TSNARE1: variants seen among roughly 807,000 people sequenced by gnomAD.
The protein encoded by TSNARE1 is t-SNARE domain-containing protein 1.
Under a neutral mutation model 62.0 loss-of-function variants are expected in TSNARE1, and 49 were observed. The observed-to-expected ratio is 0.79, with a 90% CI of 0.63 to 1.00. The LOEUF is 1.00. Among genes scored for constraint, TSNARE1 ranks in the 50% least tolerant of loss-of-function variants. The probability of loss-of-function intolerance (pLI) is 0.00; values close to 1 mark genes in which losing one functional copy is unlikely to be tolerated. For synonymous variants in TSNARE1, 328 were observed against 294.4 expected, an observed-to-expected ratio of 1.11 and a Z score of -1.17; for missense variants, 755 against 700.1, an observed-to-expected ratio of 1.08 and a Z score of -0.88.
chr8:142,237,752 C>T (rs372223907), intron 12 of TSNARE1, among the ~76,000 whole-genome samples: 2 of 152,154 alleles, frequency 1.3e-5, no homozygotes, highest in East Asian at 1.9e-4. Flanking sequence ...CAGCAGGCCC[C>T]GGGTGGATGC....
rs1265119551 is a variant in TSNARE1 at position 142,275,530 on chromosome 8, C to T, written c.1364-667G>A. The T allele has an allele frequency of 1.1e-5, 11 of 985,300 alleles. No homozygotes were observed. In the South Asian group the frequency reaches 2.3e-4, roughly 21 times the overall value. 61.0% of individuals were successfully genotyped at this position (985,300 alleles called of 1,614,324 possible). A position where few individuals can be genotyped will look rare whatever the true frequency, so the allele number is the denominator to read the frequency against. On this transcript the variant is annotated intron_variant, in intron 11 of 13. Transcript: ENST00000524325. ...CCAGGGATCCGGAAGATTCCATGCT[C>T]AGCATTGTCTTCCACCCAAAGGAAG...
chr8:142,315,905 G>A (rs1001048664), intron 7 of TSNARE1, among the ~76,000 whole-genome samples: 6 of 152,206 alleles, frequency 3.9e-5, no homozygotes, highest in African/African-American at 7.2e-5. Flanking sequence ...TCATCAAAGC[G>A]TCCACGGCCC....
intron 4 of TSNARE1, among the ~76,000 whole-genome samples, chr8:142,343,589 A>C (rs530055367): frequency 6.6e-6 from 1 of 151,834 alleles, no homozygotes; most frequent in Admixed American, 6.6e-5. Flanking sequence ...GGGACAGGCC[A>C]AGTCAAACGC....
chr8:142,277,533 G>C (rs1161517847), intron 11 of TSNARE1: 1 of 985,336 alleles, frequency 1.0e-6, no homozygotes, highest in Non-Finnish European at 1.2e-6. Context: ...CCTGCAGCTG[G>C]GATGCCCCCA....
chr8:142,288,875 G>C (rs1175799558), intron 10 of TSNARE1, among the ~76,000 whole-genome samples: 1 of 152,252 alleles, frequency 6.6e-6, no homozygotes, highest in Non-Finnish European at 1.5e-5. Context: ...TGTGCCTCCT[G>C]TGAGAGGGGA....
At chr8:142,405,641 T>G (rs1838573754), upstream of TSNARE1, 1 of 152,208 alleles carries the variant, frequency 6.6e-6, no homozygotes, top group Non-Finnish European at 1.5e-5. Context: ...GGGTTTAAGC[T>G]GAATTTCCAG....
intron 4 of TSNARE1, among the ~76,000 whole-genome samples, chr8:142,338,019 G>C (rs1586887555): frequency 1.3e-5 from 2 of 152,160 alleles, no homozygotes; most frequent in East Asian, 1.9e-4. Context: ...GGAGAAGGAA[G>C]AAAAATTCAT....
At chr8:142,216,783 C>T (rs531256404) in intron 13 of TSNARE1, among the ~76,000 whole-genome samples, 2 of 152,358 alleles carry the variant, frequency 1.3e-5, no homozygotes, top group South Asian at 4.1e-4. Context: ...ATACTTGGCA[C>T]CGACCCTGCC....
rs577947881 is a variant in TSNARE1 at position 142,331,465 on chromosome 8, G to A, written c.823+289C>T. On this transcript the variant is annotated intron_variant, in intron 5 of 13. Transcript: ENST00000524325. ...GGGGTCAGGGAGAGGAGCCAGCAGC[G>A]GGCAGGGGGCAGCAGGCAGGAGCAG... Among the ~76,000 whole-genome samples, 195 of 152,340 alleles carry A rather than the reference G, an allele frequency of 1.3e-3. 1 individual carries two copies. The highest frequency in any genetic ancestry group is 4.6e-3 in the African/African-American group (190 of 41,582).
intron 9 of TSNARE1, among the ~76,000 whole-genome samples, chr8:142,313,568 C>T (rs62636463): frequency 0.23 from 34,618 of 151,168 alleles, 4,509 homozygotes; most frequent in African/African-American, 0.35. Context: ...CATGTGTCTG[C>T]GCATCTGTGT....
intron 12 of TSNARE1, chr8:142,272,733 C>G: frequency 1.0e-6 from 1 of 971,176 alleles, no homozygotes; most frequent in Middle Eastern, 5.3e-4. Context: ...GTGGGGAGGG[C>G]CCCTTGCAGG....
At chr8:142,387,874 G>A (rs1488384498) in intron 1 of TSNARE1, among the ~76,000 whole-genome samples, 1 of 152,082 alleles carries the variant, frequency 6.6e-6, no homozygotes, top group Non-Finnish European at 1.5e-5. Context: ...CCAGAGAATG[G>A]CATAAGAAAT....
chr8:142,329,304 C>T (rs917910403), intron 6 of TSNARE1, among the ~76,000 whole-genome samples: 2 of 152,170 alleles, frequency 1.3e-5, no homozygotes, highest in Non-Finnish European at 2.9e-5. Context: ...CCGGGATACT[C>T]GGTCCTCAGA....
Position 142,329,318 on chromosome 8 carries a change from G to C in TSNARE1, c.893+1583C>G, listed in dbSNP as rs73370347. 9.4e-3 allele frequency among the ~76,000 whole-genome samples: 1,425 copies of C among 152,286 alleles called. 25 individuals are homozygous for C. Among genetic ancestry groups the C allele is most frequent in the African/African-American group, 0.032 (1,317 of 41,546 alleles). On this transcript the variant is annotated intron_variant, in intron 6 of 13. Transcript: ENST00000524325. ...GCCGGGATACTCGGTCCTCAGACCA[G>C]GACAGTCTCCTACTCCACGCTGGGG...
chr8:142,241,448 A>G (rs1359693304), intron 12 of TSNARE1, among the ~76,000 whole-genome samples: 3 of 152,248 alleles, frequency 2.0e-5, no homozygotes, highest in East Asian at 3.8e-4. Flanking sequence ...AAGGCAATAT[A>G]CAGATCGAAC....
At chr8:142,317,343 C>T (rs1243470995) in intron 7 of TSNARE1, among the ~76,000 whole-genome samples, 1 of 139,394 alleles carries the variant, frequency 7.2e-6, no homozygotes, top group Non-Finnish European at 1.6e-5. Context: ...GTATGGCCAG[C>T]GGCTCACACT....
intron 9 of TSNARE1, among the ~76,000 whole-genome samples, chr8:142,302,284 A>G (rs1586672226): frequency 2.6e-5 from 4 of 152,092 alleles, no homozygotes; most frequent in African/African-American, 7.2e-5. Context: ...AAATCCTCAG[A>G]CCACCCTGCC....
At chr8:142,258,628 T>C (rs1203815904) in intron 12 of TSNARE1, among the ~76,000 whole-genome samples, 2 of 152,098 alleles carry the variant, frequency 1.3e-5, no homozygotes, top group Non-Finnish European at 2.9e-5. Flanking sequence ...ATCACGGGCA[T>C]GTACCACCAC....
At chr8:142,311,771 A>AT (rs1827663868) in intron 9 of TSNARE1, among the ~76,000 whole-genome samples, 1 of 151,518 alleles carries the variant, frequency 6.6e-6, no homozygotes, top group East Asian at 1.9e-4. Context: ...ATTTTCTATC[A>AT]TTTTTTCTTT....
Sources: gnomAD v4.1 joint callset for allele counts (sites outside exome capture counted in the v4.1 genomes callset) on GRCh38, gnomAD v4.1.1 for gene constraint, MANE v1.5 for transcripts, NCBI Gene and HGNC (gene_info 2026-07-23, HGNC 2026-07-21) for gene names.